CDH13: variants seen among roughly 807,000 people sequenced by gnomAD.
CDH13 encodes the protein cadherin-13.
CDH13 carries 24 observed loss-of-function variants against 63.8 expected under a neutral mutation model. The ratio of observed to expected loss-of-function variants is 0.38; its 90% confidence interval spans 0.27 to 0.53. The LOEUF (loss-of-function observed/expected upper bound fraction) is 0.53, where lower values mean the gene tolerates loss of function less well. Among genes scored for constraint, CDH13 ranks in the 20% least tolerant of loss-of-function variants. The pLI is 0.85. For missense variants in CDH13, 1,049 were observed against 903.1 expected (o/e 1.16, Z -2.07); for synonymous variants, 503 against 355.3 (o/e 1.42, Z -4.67).
chr16:82,733,277 A>G (rs1193968018), intron 1 of CDH13, among the ~76,000 whole-genome samples: 1 of 152,232 alleles, frequency 6.6e-6, no homozygotes, highest in Non-Finnish European at 1.5e-5. Flanking sequence ...GCTAACATGT[A>G]AAGTTATCAG....
At chr16:83,540,474 A>G (rs541317953) in intron 7 of CDH13, among the ~76,000 whole-genome samples, 2 of 152,200 alleles carry the variant, frequency 1.3e-5, no homozygotes, top group Admixed American at 1.3e-4. Context: ...TCTACCCAAT[A>G]AATACAAAGG....
chr16:83,262,890 AGT>A (rs1235411698), intron 5 of CDH13, among the ~76,000 whole-genome samples: 2 of 152,218 alleles, frequency 1.3e-5, no homozygotes, highest in African/African-American at 4.8e-5. Flanking sequence ...TTGGCTAATT[AGT>A]GTAAATTCAT....
intron 2 of CDH13, among the ~76,000 whole-genome samples, chr16:83,014,792 GTA>G (rs1168959713): frequency 3.9e-4 from 20 of 51,238 alleles, no homozygotes; most frequent in African/African-American, 7.2e-4. Flanking sequence ...ATATATATTT[GTA>G]TATATATATG....
intron 1 of CDH13, among the ~76,000 whole-genome samples, chr16:82,682,377 G>A (rs751338008): frequency 1.1e-4 from 17 of 152,122 alleles, no homozygotes; most frequent in Non-Finnish European, 8.8e-5. Context: ...GAAAAACACT[G>A]GACACTGGCA....
At chr16:83,232,682 G>A (rs2040037818) in intron 5 of CDH13, among the ~76,000 whole-genome samples, 1 of 152,170 alleles carries the variant, frequency 6.6e-6, no homozygotes, top group East Asian at 1.9e-4. Flanking sequence ...CCCAGAAGCT[G>A]AGCAGATGCC....
intron 1 of CDH13, among the ~76,000 whole-genome samples, chr16:82,649,153 A>G (rs1474525702): frequency 2.6e-5 from 4 of 152,222 alleles, no homozygotes; most frequent in Non-Finnish European, 5.9e-5. Flanking sequence ...GCAATCCTAT[A>G]TGCTATGCTT....
intron 6 of CDH13, among the ~76,000 whole-genome samples, chr16:83,371,580 C>A (rs969371416): frequency 1.4e-4 from 22 of 152,192 alleles, no homozygotes; most frequent in African/African-American, 4.8e-4. Flanking sequence ...TACAACTAAG[C>A]AATACCTGGT....
At chr16:83,743,277 C>T (rs967775204) in intron 10 of CDH13, among the ~76,000 whole-genome samples, 9 of 152,130 alleles carry the variant, frequency 5.9e-5, no homozygotes, top group African/African-American at 1.4e-4. Context: ...TTAAATAGCA[C>T]AGCTCTGGAT....
intron 8 of CDH13, among the ~76,000 whole-genome samples, chr16:83,625,068 C>CT (rs771532745): frequency 7.9e-5 from 12 of 152,144 alleles, no homozygotes; most frequent in Non-Finnish European, 1.3e-4. Flanking sequence ...AGCTACAAAT[C>CT]AGGGCTTTTC....
rs761234173 is a variant in CDH13 at position 83,783,345 on chromosome 16, G to C, written c.2007G>C (p.Met669Ile). The change falls in exon 13 of 14, where the codon ATG becomes ATC. Residue 669 changes from methionine (M) to isoleucine (I), a missense_variant. Transcript: ENST00000567109. The part of the protein sequence containing the change: ...IMVTDSGKPP[M>I]TNITDLRVQV... ...TGACAGATTCAGGGAAACCACCCAT[G>C]ACGAATATCACAGATCTCAGGGTAC... The C allele has an allele frequency of 6.2e-7, 1 of 1,613,944 alleles. No individual in the cohort carries two copies. Among genetic ancestry groups the C allele is most frequent in the Non-Finnish European group, 8.5e-7 (1 of 1,179,858 alleles).
chr16:82,788,685 G>A (rs115997552), intron 1 of CDH13, among the ~76,000 whole-genome samples: 460 of 152,300 alleles, frequency 3.0e-3, no homozygotes, highest in African/African-American at 0.011. Flanking sequence ...TTTGGCAGAA[G>A]CCAGCAGATC....
intron 5 of CDH13, among the ~76,000 whole-genome samples, chr16:83,326,077 C>T (rs1250340693): frequency 6.6e-6 from 1 of 152,160 alleles, no homozygotes; most frequent in African/African-American, 2.4e-5. Flanking sequence ...AGAAATAAGT[C>T]ATCTGAATTG....
Position 83,125,374 on chromosome 16 carries a change from T to C in CDH13, c.367-11T>C. ...GGAGATTTTAATCAATCCTTTTGTT[T>C]TCCCTTTTAGGATATATTTAAATTT... On this transcript the variant is annotated splice_polypyrimidine_tract_variant and intron_variant, in intron 3 of 13. Coordinates refer to ENST00000567109, the MANE Select transcript of CDH13 (RefSeq NM_001257.5). The C allele has an allele frequency of 7.1e-7, 1 of 1,401,728 alleles. No individual in the cohort carries two copies. Among genetic ancestry groups the C allele is most frequent in the Non-Finnish European group, 1.0e-6 (1 of 988,158 alleles). The allele number at this position is 1,401,728 out of a possible 1,614,324, so 86.8% of individuals were successfully genotyped here.
chr16:82,881,704 C>A (rs1293529354), intron 2 of CDH13, among the ~76,000 whole-genome samples: 1 of 152,200 alleles, frequency 6.6e-6, no homozygotes, highest in East Asian at 1.9e-4. Context: ...ATGGAGACAG[C>A]TTCCATAGTC....
At chr16:82,864,066 A>C (rs2040038143) in intron 2 of CDH13, among the ~76,000 whole-genome samples, 1 of 152,226 alleles carries the variant, frequency 6.6e-6, no homozygotes, top group Non-Finnish European at 1.5e-5. Flanking sequence ...TCTTTGAGTA[A>C]ATTTTGCTTT....
intron 11 of CDH13, among the ~76,000 whole-genome samples, chr16:83,749,913 G>A (rs1298413826): frequency 1.3e-5 from 2 of 152,190 alleles, no homozygotes; most frequent in Non-Finnish European, 2.9e-5. Context: ...ATTAAAGGTA[G>A]GGCATGCTAG....
Position 83,032,166 on chromosome 16 carries a change from A to G in CDH13, c.314A>G (p.Asp105Gly). 1 of 1,613,784 alleles carries G rather than the reference A, an allele frequency of 6.2e-7. No individual in the cohort carries two copies. The highest frequency in any genetic ancestry group is 8.5e-7 in the Non-Finnish European group (1 of 1,179,792). ...CATGCACGGACCCCCCATGCGGAAG[A>G]TATGGCAGAACTCGTGATTGTCGGG... The part of the protein sequence containing the change: ...FVHARTPHAE[D>G]MAELVIVGGK... The change falls in exon 3 of 14, where the codon GAT (aspartate) becomes GGT (glycine). Residue 105 changes from aspartate (D) to glycine (G), a missense_variant. Asp to Gly is a moderately conservative substitution (Grantham distance 94, BLOSUM62 -1). Transcript: ENST00000567109.
intron 4 of CDH13, among the ~76,000 whole-genome samples, chr16:83,216,591 A>G (rs2039539366): frequency 7.0e-6 from 1 of 143,640 alleles, no homozygotes; most frequent in Non-Finnish European, 1.5e-5. Flanking sequence ...ATATATTAAT[A>G]TATAATACAT....
chr16:82,637,025 C>A (rs976019425), intron 1 of CDH13, among the ~76,000 whole-genome samples: 1 of 152,158 alleles, frequency 6.6e-6, no homozygotes, highest in Non-Finnish European at 1.5e-5. Context: ...CTTGGAGGTT[C>A]AAGTGAGTAA....
Sources: allele counts gnomAD v4.1 joint callset (sites outside exome capture counted in the v4.1 genomes callset), GRCh38; gene constraint gnomAD v4.1.1; transcripts MANE v1.5; gene names NCBI Gene and HGNC (gene_info 2026-07-23, HGNC 2026-07-21).